Variants in RASGRP3 observed in about 807,000 individuals in gnomAD.
The protein encoded by RASGRP3 is RAS guanyl releasing protein 3.
A neutral mutation model predicts 82.7 loss-of-function variants in RASGRP3; 54 were observed. The ratio of observed to expected loss-of-function variants is 0.65; its 90% CI spans 0.52 to 0.82. RASGRP3 has a LOEUF of 0.82. Among genes scored for constraint, RASGRP3 ranks in the 40% least tolerant of loss-of-function variants. The pLI is 0.00. For synonymous variants in RASGRP3, 309 were observed against 300.5 expected (o/e 1.03, Z -0.29); for missense variants, 861 against 828.9 (o/e 1.04, Z -0.48).
chr2:33,559,641 T>C (rs1676427186), intron 17 of RASGRP3: 1 of 518,550 alleles, frequency 1.9e-6, no homozygotes. Context: ...TGGAGTTAGA[T>C]AAATTTATTA....
At position 33,539,076 on chromosome 2, in the gene RASGRP3, T is replaced by G. The variant is rs1673956675; in HGVS notation, c.1162-18T>G. On this transcript the variant is annotated intron_variant, in intron 11 of 17. Coordinates refer to ENST00000403687, the MANE Select transcript of RASGRP3 (RefSeq NM_001139488.2). The stretch of plus-strand genomic sequence containing the variant: ...ATAATAAAGTTGAAAAATATGTGGT[T>G]TTTTTTTTGTTTATCAGCAGCCTAC... 1 of 1,502,096 alleles carries G rather than the reference T, an allele frequency of 6.7e-7. No individual in the cohort carries two copies. Among genetic ancestry groups the G allele is most frequent in the Non-Finnish European group, 9.0e-7 (1 of 1,109,376 alleles). The allele number at this position is 1,502,096 out of a possible 1,614,324, so 93.0% of individuals were successfully genotyped here.
At chr2:33,449,878 T>G (rs887171758) in intron 2 of RASGRP3, among the ~76,000 whole-genome samples, 2 of 152,256 alleles carry the variant, frequency 1.3e-5, no homozygotes, top group Non-Finnish European at 2.9e-5. Flanking sequence ...GGTATTTTAT[T>G]ACTTATTTCT....
intron 11 of RASGRP3, among the ~76,000 whole-genome samples, 191 bp downstream of exon 11, chr2:33,534,591 C>T (rs1164060486): frequency 2.0e-5 from 3 of 151,780 alleles, no homozygotes; most frequent in Non-Finnish European, 4.4e-5. Context: ...TGCAATGGTG[C>T]GATCTCGGCT....
At chr2:33,466,131 C>T (rs906772571) in intron 2 of RASGRP3, among the ~76,000 whole-genome samples, 1 of 152,202 alleles carries the variant, frequency 6.6e-6, no homozygotes, top group Non-Finnish European at 1.5e-5. Context: ...GTAATTCCAA[C>T]TTTCAAGTCT....
intron 2 of RASGRP3, among the ~76,000 whole-genome samples, chr2:33,463,512 G>C (rs1666496151): frequency 6.6e-6 from 1 of 151,660 alleles, no homozygotes; most frequent in Non-Finnish European, 1.5e-5. Context: ...CCAGGATGCT[G>C]AAGAAAGGGG....
At chr2:33,534,156 CTT>C (rs1177348235) in intron 10 of RASGRP3, 165 bp from the exon 11 acceptor site, 5 of 601,342 alleles carry the variant, frequency 8.3e-6, no homozygotes, top group Non-Finnish European at 1.2e-5. Context: ...AACGTTTTCT[CTT>C]TTAAATTTCA....
chr2:33,549,950 G>C (rs75596232), intron 14 of RASGRP3, among the ~76,000 whole-genome samples, 199 bp downstream of exon 14: 1 of 152,236 alleles, frequency 6.6e-6, no homozygotes, highest in African/African-American at 2.4e-5. Flanking sequence ...AGCAAAAACA[G>C]GGAAGGCTGG....
At chr2:33,446,477 T>G (rs1309166056) in intron 1 of RASGRP3, among the ~76,000 whole-genome samples, 2 of 111,788 alleles carry the variant, frequency 1.8e-5, no homozygotes, top group Middle Eastern at 4.1e-3. Flanking sequence ...CAATTTTTTT[T>G]GGAAATTTTT....
chr2:33,477,885 T>C (rs979217650), intron 1 of RASGRP3, among the ~76,000 whole-genome samples: 1 of 152,118 alleles, frequency 6.6e-6, no homozygotes, highest in Admixed American at 6.6e-5. Context: ...TTATTTGAAG[T>C]CTCACCAAAT....
chr2:33,439,327 C>G (rs1321326478), intron 1 of RASGRP3, among the ~76,000 whole-genome samples: 3 of 152,110 alleles, frequency 2.0e-5, no homozygotes, highest in Non-Finnish European at 2.9e-5. Context: ...TCCAGACGGG[C>G]TTCATGGAGG....
chr2:33,483,732 G>A (rs1003018441), intron 1 of RASGRP3, among the ~76,000 whole-genome samples: 2 of 152,008 alleles, frequency 1.3e-5, no homozygotes, highest in African/African-American at 2.4e-5. Context: ...TAAGTGATCC[G>A]CCTGCCTCGG....
rs1024173659 is a variant in RASGRP3 at position 33,516,663 on chromosome 2, T to C, written c.173+19T>C. The C allele has an allele frequency of 6.9e-7, 1 of 1,447,804 alleles. No homozygotes were observed. 89.7% of individuals were successfully genotyped at this position (1,447,804 alleles called of 1,614,324 possible). The stretch of plus-strand genomic sequence containing the variant: ...TCTGCATATATCTTTTCAACTACTG[T>C]GTAATTTTTACAATCATAAATCAAG... On this transcript the variant is annotated intron_variant, in intron 4 of 17. Transcript: ENST00000403687.
intron 8 of RASGRP3, 98 bp from the exon 9 acceptor site, chr2:33,524,334 C>T: frequency 1.2e-6 from 1 of 821,708 alleles, no homozygotes; most frequent in Non-Finnish European, 1.9e-6. Context: ...TTTTCCTTAG[C>T]TTCTTGTTAT....
Position 33,516,584 on chromosome 2 carries a change from T to C in RASGRP3, c.113T>C (p.Val38Ala), listed in dbSNP as rs1478524677. Residue 38 changes from valine to alanine, a missense_variant, in exon 4 of 18, where the codon GTT becomes GCT. Physicochemically the swap from Val to Ala is moderately conservative, Grantham distance 64. Coordinates refer to ENST00000403687, the MANE Select transcript of RASGRP3 (RefSeq NM_001139488.2). ...GATAATAGTTATTTGCCAAGAATAGTTCTACTGATGCACCGATGGTATTTA... is the reference window on the plus strand; with the variant it reads ...GATAATAGTTATTTGCCAAGAATAGCTCTACTGATGCACCGATGGTATTTA... ...ELDNSYLPRI[V>A]LLMHRWYLSS... 34 of 1,595,586 alleles carry C rather than the reference T, an allele frequency of 2.1e-5. No homozygotes were observed. Among genetic ancestry groups the C allele is most frequent in the Non-Finnish European group, 2.8e-5 (33 of 1,167,266 alleles).
intron 1 of RASGRP3, among the ~76,000 whole-genome samples, chr2:33,447,105 C>CAAAAAA (rs1161927671): frequency 0.012 from 721 of 59,254 alleles, 8 homozygotes; most frequent in African/African-American, 0.035. Flanking sequence ...GACTCCGTCT[C>CAAAAAA]AAAAAAAAAA....
At chr2:33,451,312 C>T (rs1233297043) in intron 2 of RASGRP3, among the ~76,000 whole-genome samples, 1 of 152,114 alleles carries the variant, frequency 6.6e-6, no homozygotes, top group Non-Finnish European at 1.5e-5. Flanking sequence ...ATATTGGTCC[C>T]TTATCAGATA....
upstream of RASGRP3, among the ~76,000 whole-genome samples, chr2:33,473,919 C>A (rs779431111): frequency 6.6e-6 from 1 of 152,156 alleles, no homozygotes; most frequent in Non-Finnish European, 1.5e-5. Flanking sequence ...GAAACTGTTC[C>A]ACCTCAGATC....
At chr2:33,483,957 A>C (rs1379763292) in intron 1 of RASGRP3, among the ~76,000 whole-genome samples, 1 of 152,186 alleles carries the variant, frequency 6.6e-6, no homozygotes, top group African/African-American at 2.4e-5. Context: ...GCGACAAGCT[A>C]TGGAAGAACT....
At chr2:33,537,865 A>G (rs181929075) in intron 11 of RASGRP3, among the ~76,000 whole-genome samples, 12 of 152,304 alleles carry the variant, frequency 7.9e-5, no homozygotes, top group Admixed American at 7.8e-4. Flanking sequence ...CCACAACTTT[A>G]TATGCAAATG....
Sources: allele counts gnomAD v4.1 joint callset (sites outside exome capture counted in the v4.1 genomes callset), GRCh38; gene constraint gnomAD v4.1.1; transcripts MANE v1.5; gene names NCBI Gene and HGNC (gene_info 2026-07-23, HGNC 2026-07-21).